The following GLIS1 variants were observed in gnomAD, a reference collection of about 807,000 sequenced individuals.
GLIS1 encodes the protein GLIS family zinc finger 1, also known as zinc finger protein GLIS1.
A neutral mutation model predicts 63.8 loss-of-function variants in GLIS1; 24 were observed. The ratio of observed to expected loss-of-function variants is 0.38; its 90% CI spans 0.27 to 0.53. GLIS1 has a LOEUF of 0.53. Among genes scored for constraint, GLIS1 ranks in the 20% least tolerant of loss-of-function variants. GLIS1 has a pLI of 0.85. For synonymous variants in GLIS1, 450 were observed against 482.5 expected, an observed-to-expected ratio of 0.93 and a Z score of 0.88; for missense variants, 1,036 against 1,074.1, an observed-to-expected ratio of 0.96 and a Z score of 0.50.
At chr1:53,730,637 G>T (rs1646850416) in intron 2 of GLIS1, among the ~76,000 whole-genome samples, 2 of 152,286 alleles carry the variant, frequency 1.3e-5, no homozygotes, top group South Asian at 4.1e-4. Flanking sequence ...GCCATCCCTT[G>T]TACTTCATTC....
chr1:53,708,798 G>A (rs1446202676), intron 2 of GLIS1, among the ~76,000 whole-genome samples: 1 of 152,108 alleles, frequency 6.6e-6, no homozygotes, highest in Non-Finnish European at 1.5e-5. Flanking sequence ...ACTCCATCCG[G>A]AACACAGCAC....
chr1:53,543,253 C>T (rs1644662701), intron 4 of GLIS1, among the ~76,000 whole-genome samples: 1 of 152,226 alleles, frequency 6.6e-6, no homozygotes, highest in Non-Finnish European at 1.5e-5. Context: ...AAGTGGTCCT[C>T]CCTCATGGGG....
At chr1:53,726,431 A>G (rs1296301414) in intron 2 of GLIS1, among the ~76,000 whole-genome samples, 1 of 152,194 alleles carries the variant, frequency 6.6e-6, no homozygotes, top group African/African-American at 2.4e-5. Flanking sequence ...AAGCCACTAC[A>G]TTACTGCAGG....
intron 2 of GLIS1, among the ~76,000 whole-genome samples, chr1:53,725,414 C>T (rs1172284551): frequency 6.6e-6 from 1 of 152,188 alleles, no homozygotes; most frequent in Non-Finnish European, 1.5e-5. Context: ...GGAGTGAGCA[C>T]CAGTTTCCAT....
At chr1:53,596,306 A>G (rs1194453168) in intron 3 of GLIS1, among the ~76,000 whole-genome samples, 1 of 152,206 alleles carries the variant, frequency 6.6e-6, no homozygotes, top group African/African-American at 2.4e-5. Flanking sequence ...GAGAGACGGA[A>G]GGGCCTACCT....
At position 53,687,154 on chromosome 1, in the gene GLIS1, C is replaced by T. The variant is rs186561521; in HGVS notation, c.259+50652G>A. On this transcript the variant is annotated intron_variant, in intron 2 of 10. Coordinates refer to ENST00000628545, the MANE Select transcript of GLIS1 (RefSeq NM_001367484.1). ...AAAGGTTTTCCCAGGATGAGGCAAA[C>T]GAGAGAATCACTGTGGGAGCAGAAC... Among the ~76,000 whole-genome samples the T allele has an allele frequency of 1.9e-3, 292 of 152,280 alleles. 9 individuals are homozygous for T. Among genetic ancestry groups the T allele is most frequent in the Admixed American group, 0.017 (255 of 15,294 alleles).
At chr1:53,530,829 G>A (rs1404860273) in intron 4 of GLIS1, among the ~76,000 whole-genome samples, 3 of 152,170 alleles carry the variant, frequency 2.0e-5, no homozygotes, top group Non-Finnish European at 4.4e-5. Flanking sequence ...TCCTCCTTCA[G>A]TGTGATGAGC....
chr1:53,600,549 T>C (rs1054269907), intron 2 of GLIS1, among the ~76,000 whole-genome samples: 6 of 152,142 alleles, frequency 3.9e-5, no homozygotes, highest in East Asian at 3.9e-4. Flanking sequence ...ATACCTCCTA[T>C]GTACAAACAC....
chr1:53,654,424 C>T (rs1277477724), intron 2 of GLIS1, among the ~76,000 whole-genome samples: 2 of 152,264 alleles, frequency 1.3e-5, no homozygotes, highest in Admixed American at 6.5e-5. Context: ...TCTGGGGTGC[C>T]GCCTGGGTGT....
intron 4 of GLIS1, among the ~76,000 whole-genome samples, chr1:53,588,649 C>G (rs1645160023): frequency 6.6e-6 from 1 of 152,192 alleles, no homozygotes; most frequent in African/African-American, 2.4e-5. Flanking sequence ...AATGCTCAAG[C>G]CCACAGGGCT....
chr1:53,716,097 G>A (rs1169252645), intron 2 of GLIS1, among the ~76,000 whole-genome samples: 1 of 152,196 alleles, frequency 6.6e-6, no homozygotes, highest in Non-Finnish European at 1.5e-5. Flanking sequence ...GTTGATAGAG[G>A]AGAGGCATTG....
intron 8 of GLIS1, among the ~76,000 whole-genome samples, chr1:53,514,394 T>G (rs999311780): frequency 3.3e-5 from 5 of 152,088 alleles, no homozygotes; most frequent in Admixed American, 2.6e-4. Context: ...AGAAGCTGCA[T>G]GAAGTGAGGC....
rs961933304 is a variant in GLIS1 at position 53,574,173 on chromosome 1, G to C, written c.1320+19935C>G. ...CCAAGTTCCTTCCAGGGCACTGTCC[G>C]TGAGGCCCTCCCTGGTCCAGCACAG... On this transcript the variant is annotated intron_variant, in intron 4 of 10. Transcript: ENST00000628545. This position sits in a 1 kb window ranked among gnomAD's most constrained non-coding sequence, Gnocchi z 4.2. Among the ~76,000 whole-genome samples the C allele has an allele frequency of 6.6e-6, 1 of 152,102 alleles. No homozygotes were observed. Among genetic ancestry groups the C allele is most frequent in the South Asian group, 2.1e-4 (1 of 4,816 alleles).
At chr1:53,528,997 T>A (rs2100328516) in intron 5 of GLIS1, among the ~76,000 whole-genome samples, 1 of 152,330 alleles carries the variant, frequency 6.6e-6, no homozygotes, top group African/African-American at 2.4e-5. Flanking sequence ...ACCGTCCAGC[T>A]GTGCGATGGT....
At chr1:53,590,504 G>C (rs1249142546) in intron 4 of GLIS1, among the ~76,000 whole-genome samples, 1 of 152,160 alleles carries the variant, frequency 6.6e-6, no homozygotes, top group Non-Finnish European at 1.5e-5. Context: ...TTGATGTGGA[G>C]AAAAGCAAGC....
chr1:53,533,333 G>A (rs1437364725), intron 4 of GLIS1, among the ~76,000 whole-genome samples: 2 of 152,228 alleles, frequency 1.3e-5, no homozygotes, highest in African/African-American at 4.8e-5. Flanking sequence ...ATGGGGCAAA[G>A]GGTGGGACAG....
intron 2 of GLIS1, among the ~76,000 whole-genome samples, chr1:53,687,425 G>A (rs1387467805): frequency 4.6e-5 from 7 of 152,168 alleles, no homozygotes; most frequent in Non-Finnish European, 1.0e-4. Context: ...CTATCACCCG[G>A]TCCAACCAGC....
chr1:53,691,683 C>T (rs1433097495), intron 2 of GLIS1, among the ~76,000 whole-genome samples: 6 of 152,198 alleles, frequency 3.9e-5, no homozygotes, highest in Admixed American at 3.9e-4. Flanking sequence ...AAATCATACA[C>T]TGGCCGAGCT....
chr1:53,553,116 C>T (rs986497213), intron 4 of GLIS1, among the ~76,000 whole-genome samples: 18 of 152,300 alleles, frequency 1.2e-4, no homozygotes, highest in Non-Finnish European at 1.6e-4. Flanking sequence ...GAGAATGGCT[C>T]GTCCGGAAGA....
Sources: gnomAD v4.1 joint callset for allele counts (sites outside exome capture counted in the v4.1 genomes callset) on GRCh38, gnomAD v4.1.1 for gene constraint, Gnocchi (gnomAD v3.1) non-coding constraint, MANE v1.5 for transcripts, NCBI Gene and HGNC (gene_info 2026-07-23, HGNC 2026-07-21) for gene names.